The following THSD7B variants were observed in gnomAD, a reference collection of about 807,000 sequenced individuals.
THSD7B encodes thrombospondin type 1 domain containing 7B.
THSD7B carries 138 observed loss-of-function variants against 213.6 expected under a neutral mutation model. That is an observed-to-expected ratio of 0.65 (90% CI 0.56 to 0.74). The LOEUF is 0.74. Ranked by LOEUF, THSD7B falls within the 30% of genes least tolerant of loss-of-function variation. The pLI is 0.00. For missense variants in THSD7B, 1,931 were observed against 1,991.5 expected (o/e 0.97, Z 0.58); for synonymous variants, 742 against 687.0 (o/e 1.08, Z -1.25).
chr2:137,313,187 G>A (rs1204133468), intron 12 of THSD7B, among the ~76,000 whole-genome samples: 1 of 152,144 alleles, frequency 6.6e-6, no homozygotes, highest in Non-Finnish European at 1.5e-5. Flanking sequence ...GAATCTGGGT[G>A]CTCCTGTATT....
chr2:137,234,134 G>A (rs2105057331), intron 9 of THSD7B, among the ~76,000 whole-genome samples: 1 of 152,324 alleles, frequency 6.6e-6, no homozygotes, highest in South Asian at 2.1e-4. Flanking sequence ...AGTAAAAGGA[G>A]AGATTGATTC....
chr2:137,387,701 T>C (rs1685927049), intron 12 of THSD7B, among the ~76,000 whole-genome samples: 1 of 152,188 alleles, frequency 6.6e-6, no homozygotes, highest in Non-Finnish European at 1.5e-5. Flanking sequence ...AGTGATTTGT[T>C]ATGATCTGAA....
At position 137,618,438 on chromosome 2, in the gene THSD7B, C is replaced by T. The variant is rs1345793575; in HGVS notation, c.3612C>T (p.Gly1204=). ...GTGAAAACGCACCCTGTGGTCAAGG[C>T]GTCAGGACCCGCCTGCTAAGCTGTG... ...QLSENAPCGQ[G]VRTRLLSCVC... is the part of the protein sequence containing the mutation. Residue 1204 remains glycine, a synonymous_variant, in exon 19 of 28, where the codon GGC becomes GGT. Coordinates refer to ENST00000409968, the MANE Select transcript of THSD7B (RefSeq NM_001316349.2). 4 of 1,613,752 alleles carry T rather than the reference C, an allele frequency of 2.5e-6. No homozygotes were observed. Among genetic ancestry groups the T allele is most frequent in the African/African-American group, 1.3e-5 (1 of 74,930 alleles).
At chr2:137,156,722 T>C (rs999157060) in intron 5 of THSD7B, among the ~76,000 whole-genome samples, 9 of 152,314 alleles carry the variant, frequency 5.9e-5, no homozygotes, top group Admixed American at 1.3e-4. Flanking sequence ...CCAGGCTTTT[T>C]ACAGCTGCAC....
At chr2:137,393,650 A>T (rs1225579304) in intron 12 of THSD7B, among the ~76,000 whole-genome samples, 1 of 143,284 alleles carries the variant, frequency 7.0e-6, no homozygotes, top group East Asian at 2.0e-4. Flanking sequence ...TAGCAGCATG[A>T]TTTATACTCC....
At chr2:137,151,099 T>C (rs1289785140) in intron 5 of THSD7B, among the ~76,000 whole-genome samples, 1 of 152,154 alleles carries the variant, frequency 6.6e-6, no homozygotes, top group Non-Finnish European at 1.5e-5. Context: ...ACTGCACACT[T>C]ATGCTACACT....
At chr2:137,193,323 T>C (rs527816741) in intron 7 of THSD7B, among the ~76,000 whole-genome samples, 15 of 152,248 alleles carry the variant, frequency 9.9e-5, no homozygotes, top group Non-Finnish European at 2.2e-4. Flanking sequence ...TATAATTGCG[T>C]AAATTTATGA....
At chr2:137,294,696 C>G (rs980946984) in intron 12 of THSD7B, among the ~76,000 whole-genome samples, 1 of 150,694 alleles carries the variant, frequency 6.6e-6, no homozygotes. Flanking sequence ...TCTTACTGTG[C>G]TTAATCTATA....
intron 2 of THSD7B, among the ~76,000 whole-genome samples, chr2:136,999,673 G>T (rs1226357609): frequency 6.6e-6 from 1 of 152,038 alleles, no homozygotes; most frequent in African/African-American, 2.4e-5. Flanking sequence ...TGAATCTGCA[G>T]CATTGTGAGG....
chr2:137,148,484 AT>A (rs1679752865), intron 5 of THSD7B, among the ~76,000 whole-genome samples: 1 of 152,174 alleles, frequency 6.6e-6, no homozygotes, highest in Non-Finnish European at 1.5e-5. Context: ...AGATAGGAAT[AT>A]TTGGGAAAGT....
At chr2:137,675,893 G>A (rs1683689245) in intron 27 of THSD7B, among the ~76,000 whole-genome samples, 1 of 152,136 alleles carries the variant, frequency 6.6e-6, no homozygotes, top group Non-Finnish European at 1.5e-5. Flanking sequence ...GTACTGCAGG[G>A]TGTTTTGCCC....
chr2:137,500,825 T>A (rs1679686074), intron 15 of THSD7B, among the ~76,000 whole-genome samples: 1 of 152,220 alleles, frequency 6.6e-6, no homozygotes, highest in Non-Finnish European at 1.5e-5. Context: ...TCCACTCAGG[T>A]CAGTCAATGC....
intron 4 of THSD7B, among the ~76,000 whole-genome samples, chr2:137,106,072 A>AC (rs1558922801): frequency 6.6e-6 from 1 of 152,086 alleles, no homozygotes; most frequent in Non-Finnish European, 1.5e-5. Flanking sequence ...AACCAAAAAT[A>AC]CCCCATATAG....
At chr2:137,241,011 G>A (rs1681886696) in intron 9 of THSD7B, among the ~76,000 whole-genome samples, 1 of 151,958 alleles carries the variant, frequency 6.6e-6, no homozygotes, top group African/African-American at 2.4e-5. Context: ...GTTTAAACTT[G>A]CTAGACTGGT....
intron 17 of THSD7B, among the ~76,000 whole-genome samples, chr2:137,579,408 C>A (rs1323610188): frequency 2.0e-5 from 3 of 152,196 alleles, no homozygotes; most frequent in African/African-American, 7.2e-5. Context: ...TGGAACCACA[C>A]CATTGACTGT....
intron 1 of THSD7B, among the ~76,000 whole-genome samples, chr2:136,793,075 A>G (rs531173494): frequency 3.3e-5 from 5 of 151,994 alleles, no homozygotes; most frequent in East Asian, 3.9e-4. Context: ...GTGTGGGCAT[A>G]TATTTTCTTT....
intron 20 of THSD7B, among the ~76,000 whole-genome samples, chr2:137,640,551 G>A (rs1395522404): frequency 2.0e-5 from 3 of 152,174 alleles, no homozygotes; most frequent in Non-Finnish European, 4.4e-5. Flanking sequence ...AAACTGCTTT[G>A]AATCCTGTTC....
chr2:136,986,381 C>A (rs996525225), intron 2 of THSD7B, among the ~76,000 whole-genome samples: 3 of 152,102 alleles, frequency 2.0e-5, no homozygotes, highest in African/African-American at 7.2e-5. Context: ...AAGTCTAGGA[C>A]CACCCCCTCC....
intron 15 of THSD7B, among the ~76,000 whole-genome samples, chr2:137,548,264 T>C (rs1412607379): frequency 6.6e-6 from 1 of 151,998 alleles, no homozygotes; most frequent in Non-Finnish European, 1.5e-5. Context: ...AGTATTAGAA[T>C]ATACTAATTT....
Sources: gnomAD v4.1 joint callset for allele counts (sites outside exome capture counted in the v4.1 genomes callset) on GRCh38, gnomAD v4.1.1 for gene constraint, MANE v1.5 for transcripts, NCBI Gene and HGNC (gene_info 2026-07-23, HGNC 2026-07-21) for gene names.